Variants in VAV3 observed in about 807,000 individuals in gnomAD.
VAV3 encodes the protein vav guanine nucleotide exchange factor 3.
Under a neutral mutation model 131.2 loss-of-function variants are expected in VAV3, and 94 were observed. That is an observed-to-expected ratio of 0.72 (90% CI 0.61 to 0.85). The LOEUF is 0.85. Among genes scored for constraint, VAV3 ranks in the 40% least tolerant of loss-of-function variants. VAV3 has a pLI of 0.00. For synonymous variants in VAV3, 349 were observed against 342.0 expected (o/e 1.02, Z -0.22); for missense variants, 939 against 1,002.7 (o/e 0.94, Z 0.86).
At chr1:107,610,589 TTTATTCAGAAAAAAGGCATGGAAAA>T (rs989255571) in intron 21 of VAV3, among the ~76,000 whole-genome samples, 1 of 152,104 alleles carries the variant, frequency 6.6e-6, no homozygotes, top group African/African-American at 2.4e-5. Flanking sequence ...CTAAGAACCT[TTTATTCAGAAAAAAGGCATGGAAAA>T]TACTTATTTT....
chr1:107,898,453 A>C (rs1404999071), intron 1 of VAV3, among the ~76,000 whole-genome samples: 1 of 152,216 alleles, frequency 6.6e-6, no homozygotes, highest in Non-Finnish European at 1.5e-5. Flanking sequence ...TGGCCTTCTG[A>C]GTGAAGCATG....
At chr1:107,708,782 C>T (rs1202412568) in intron 15 of VAV3, among the ~76,000 whole-genome samples, 1 of 152,012 alleles carries the variant, frequency 6.6e-6, no homozygotes, top group African/African-American at 2.4e-5. Context: ...GAATTTTTCC[C>T]TCTCCCTCAC....
rs549758113 is a variant in VAV3 at position 107,704,877 on chromosome 1, T to C, written c.1604+83A>G. ...GCAAATTCCCCACTTTAGAACCTAT[T>C]GGCTAGAAGGTTAGAAAAGTCTGAA... On this transcript the variant is annotated intron_variant, in intron 16 of 26. Coordinates refer to ENST00000370056, the MANE Select transcript of VAV3 (RefSeq NM_006113.5). 3 of 1,385,048 alleles carry C rather than the reference T, an allele frequency of 2.2e-6. No homozygotes were observed. In the South Asian group the frequency reaches 3.6e-5, roughly 17 times the overall value. The allele number at this position is 1,385,048 out of a possible 1,614,324, so 85.8% of individuals were successfully genotyped here. A position where few individuals can be genotyped will look rare whatever the true frequency, so the allele number is the denominator to read the frequency against.
intron 25 of VAV3, among the ~76,000 whole-genome samples, chr1:107,576,879 A>T (rs1191341581): frequency 6.6e-6 from 1 of 152,246 alleles, no homozygotes; most frequent in East Asian, 1.9e-4. Flanking sequence ...TGCAGAACCC[A>T]TGGAAAATTC....
intron 15 of VAV3, among the ~76,000 whole-genome samples, chr1:107,709,912 A>G (rs1444675261): frequency 6.6e-6 from 1 of 152,236 alleles, no homozygotes; most frequent in Non-Finnish European, 1.5e-5. Context: ...TGTCTTTCTT[A>G]GCAGTGTGAG....
Position 107,573,007 on chromosome 1 carries a change from C to T in VAV3, c.*324G>A, listed in dbSNP as rs574887881. On this transcript the variant is annotated 3_prime_UTR_variant, in exon 27 of 27. Transcript: ENST00000370056. The stretch of plus-strand genomic sequence containing the variant: ...TACTGATGACTGGCATTCATGGTAT[C>T]TGACCAGAAGAAGTAAAGGGAAGCA... 1.5e-5 allele frequency: 5 copies of T among 324,248 alleles called. No homozygotes were observed. In the South Asian group the frequency reaches 6.6e-4, roughly 43 times the overall value. The allele number at this position is 324,248 out of a possible 1,614,324, so 20.1% of individuals were successfully genotyped here. A position where few individuals can be genotyped will look rare whatever the true frequency, so the allele number is the denominator to read the frequency against.
intron 2 of VAV3, among the ~76,000 whole-genome samples, chr1:107,846,510 T>C (rs1279262659): frequency 1.3e-5 from 2 of 152,174 alleles, no homozygotes; most frequent in East Asian, 1.9e-4. Flanking sequence ...TGTGCTGTAT[T>C]CAGGAGACCC....
At chr1:107,648,066 G>T (rs1655870418) in intron 19 of VAV3, among the ~76,000 whole-genome samples, 1 of 151,988 alleles carries the variant, frequency 6.6e-6, no homozygotes, top group Admixed American at 6.6e-5. Flanking sequence ...CAGGCAATTT[G>T]GTGGAAAACA....
intron 25 of VAV3, among the ~76,000 whole-genome samples, chr1:107,577,255 C>G (rs1165552537): frequency 3.3e-5 from 5 of 152,190 alleles, no homozygotes; most frequent in Non-Finnish European, 7.3e-5. Flanking sequence ...AATCTGGACT[C>G]AAACCTAAGT....
chr1:107,843,484 G>C (rs1279254250), intron 2 of VAV3, among the ~76,000 whole-genome samples: 4 of 148,050 alleles, frequency 2.7e-5, no homozygotes, highest in Non-Finnish European at 4.5e-5. Context: ...ATAGACTTTT[G>C]TCTTAGAATT....
At chr1:107,658,806 A>T (rs1351770982) in intron 19 of VAV3, among the ~76,000 whole-genome samples, 6 of 151,890 alleles carry the variant, frequency 4.0e-5, no homozygotes, top group East Asian at 1.9e-4. Flanking sequence ...GTTTGTTTTT[A>T]TCTTGTAAAT....
At chr1:107,639,959 C>T (rs1655217854) in intron 20 of VAV3, among the ~76,000 whole-genome samples, 1 of 151,284 alleles carries the variant, frequency 6.6e-6, no homozygotes, top group African/African-American at 2.4e-5. Flanking sequence ...AAAAGAATGA[C>T]CACACCAAAT....
At chr1:107,866,984 C>T (rs1211303375) in intron 2 of VAV3, among the ~76,000 whole-genome samples, 1 of 151,754 alleles carries the variant, frequency 6.6e-6, no homozygotes, top group East Asian at 1.9e-4. Context: ...TGTGTGATAC[C>T]TAAATAGCAT....
chr1:107,843,721 C>A (rs1378328382), intron 2 of VAV3, among the ~76,000 whole-genome samples: 2 of 152,066 alleles, frequency 1.3e-5, no homozygotes, highest in East Asian at 1.9e-4. Context: ...CCTCTCCCCC[C>A]ATGGGGTTAT....
At chr1:107,575,307 A>G (rs1374613669) in intron 25 of VAV3, among the ~76,000 whole-genome samples, 1 of 152,194 alleles carries the variant, frequency 6.6e-6, no homozygotes, top group African/African-American at 2.4e-5. Flanking sequence ...CAAATGGGAA[A>G]CACCAACCAT....
At chr1:107,891,373 T>C (rs564637727) in intron 1 of VAV3, among the ~76,000 whole-genome samples, 92 of 152,292 alleles carry the variant, frequency 6.0e-4, no homozygotes, top group African/African-American at 2.1e-3. Flanking sequence ...TTCAGGTTTT[T>C]GGTCATTATT....
Position 107,696,543 on chromosome 1 carries a change from C to T in VAV3, c.1705+8007G>A, listed in dbSNP as rs192597560. On this transcript the variant is annotated intron_variant, in intron 17 of 26. Transcript: ENST00000370056. ...GGATCACAAGTGGACTCCTGATCCA[C>T]ACTGATCCAATCAGGATCTCTTTTT... Among the ~76,000 whole-genome samples, 11 of 152,300 alleles carry T rather than the reference C, an allele frequency of 7.2e-5. No homozygotes were observed. The East Asian group carries it at 2.1e-3, about 29-fold the overall frequency.
At chr1:107,808,240 A>G (rs1426953015) in intron 2 of VAV3, among the ~76,000 whole-genome samples, 1 of 152,194 alleles carries the variant, frequency 6.6e-6, no homozygotes, top group Admixed American at 6.5e-5. Flanking sequence ...GAAACTGCTC[A>G]TGAACATGGG....
intron 1 of VAV3, chr1:107,897,305 C>T (rs1671635126): frequency 6.6e-6 from 1 of 150,934 alleles, no homozygotes; most frequent in South Asian, 2.1e-4. Context: ...AAGGCATTTA[C>T]ATACTTCATA....
Sources: gnomAD v4.1 joint callset for allele counts (sites outside exome capture counted in the v4.1 genomes callset) on GRCh38, gnomAD v4.1.1 for gene constraint, MANE v1.5 for transcripts, NCBI Gene and HGNC (gene_info 2026-07-23, HGNC 2026-07-21) for gene names.